Variants in PLD5 observed in about 807,000 individuals in gnomAD.
The protein encoded by PLD5 is inactive phospholipase D5.
PLD5 carries 36 observed loss-of-function variants against 61.1 expected under a neutral mutation model. The observed-to-expected ratio is 0.59, with a 90% CI of 0.45 to 0.78. PLD5 has a LOEUF of 0.78. Among genes scored for constraint, PLD5 ranks in the 30% least tolerant of loss-of-function variants. The pLI is 0.00. For missense variants in PLD5, 515 were observed against 644.4 expected, an observed-to-expected ratio of 0.80 and a Z score of 2.17; for synonymous variants, 243 against 242.8, an observed-to-expected ratio of 1.00 and a Z score of -0.01.
chr1:242,234,280 G>C (rs1044289200), intron 4 of PLD5, among the ~76,000 whole-genome samples: 1 of 152,036 alleles, frequency 6.6e-6, no homozygotes, highest in Non-Finnish European at 1.5e-5. Flanking sequence ...CCAGCCAACC[G>C]TGCATTGAAT....
At chr1:242,170,585 A>G (rs971749007) in intron 5 of PLD5, among the ~76,000 whole-genome samples, 1 of 152,202 alleles carries the variant, frequency 6.6e-6, no homozygotes, top group Non-Finnish European at 1.5e-5. Flanking sequence ...AGGCTTCAGA[A>G]GGTGGGTAAT....
chr1:242,370,346 T>C (rs1661563490), intron 1 of PLD5, among the ~76,000 whole-genome samples: 1 of 152,196 alleles, frequency 6.6e-6, no homozygotes, highest in Admixed American at 6.5e-5. Flanking sequence ...ACTGCGCTTA[T>C]AATACTGACA....
chr1:242,097,462 T>C (rs1441757665), intron 9 of PLD5, among the ~76,000 whole-genome samples: 1 of 152,228 alleles, frequency 6.6e-6, no homozygotes, highest in Non-Finnish European at 1.5e-5. Flanking sequence ...TGAGATGGTA[T>C]CTCATTGTGG....
chr1:242,178,967 C>T (rs1271193677), intron 5 of PLD5, among the ~76,000 whole-genome samples: 2 of 152,310 alleles, frequency 1.3e-5, no homozygotes, highest in East Asian at 1.9e-4. Flanking sequence ...CCAGGGAACA[C>T]GTAGACGGTT....
chr1:242,318,333 G>T (rs1476690637), intron 2 of PLD5, among the ~76,000 whole-genome samples: 1 of 152,116 alleles, frequency 6.6e-6, no homozygotes, highest in East Asian at 1.9e-4. Flanking sequence ...TTCCTCCTGC[G>T]GGAGGGGAGG....
intron 9 of PLD5, among the ~76,000 whole-genome samples, chr1:242,099,901 G>C (rs1320142728): frequency 6.6e-6 from 1 of 152,146 alleles, no homozygotes; most frequent in Non-Finnish European, 1.5e-5. Flanking sequence ...CCTTCTGATA[G>C]ATCGTTTTAA....
At chr1:242,131,072 G>A (rs546395780) in intron 5 of PLD5, among the ~76,000 whole-genome samples, 2 of 152,202 alleles carry the variant, frequency 1.3e-5, no homozygotes, top group East Asian at 1.9e-4. Flanking sequence ...TTGGGAGGCC[G>A]AGGTGGGCGG....
intron 1 of PLD5, among the ~76,000 whole-genome samples, chr1:242,502,340 C>T (rs1404646778): frequency 6.6e-6 from 1 of 152,164 alleles, no homozygotes. Flanking sequence ...TTGATCACTT[C>T]CCATATCTAA....
In PLD5 at chr1:242,210,158, G is replaced by T. The variant is rs375511703; in HGVS notation, c.735+9830C>A. Among the ~76,000 whole-genome samples, 10 of 152,308 alleles carry T rather than the reference G, an allele frequency of 6.6e-5. 1 individual carries two copies. The highest frequency in any genetic ancestry group is 2.2e-4 in the African/African-American group (9 of 41,564). Reference sequence around the variant, plus strand: ...CCTCAGTGAGAAAGGCATGTAGAAAGCCAAGATAAGCCAAACAGTTTGCCA... The same window carrying T: ...CCTCAGTGAGAAAGGCATGTAGAAATCCAAGATAAGCCAAACAGTTTGCCA... On this transcript the variant is annotated intron_variant, in intron 5 of 9. Coordinates refer to ENST00000536534, the MANE Select transcript of PLD5 (RefSeq NM_001372062.1).
In PLD5 at chr1:242,524,075, G is replaced by T. The variant is rs1669365430; in HGVS notation, c.189+13C>A. ...GTGCCTGGCCGAGGCCCCCGGGAGC[G>T]AGTCGCCCTTACGTGCTCCAGCTTG... is the stretch of plus-strand genomic sequence containing the variant. On this transcript the variant is annotated intron_variant, in intron 1 of 9. Coordinates refer to ENST00000536534, the MANE Select transcript of PLD5 (RefSeq NM_001372062.1). The T allele has an allele frequency of 1.3e-6, 2 of 1,531,072 alleles. No homozygotes were observed. The highest frequency in any genetic ancestry group is 1.7e-6 in the Non-Finnish European group (2 of 1,144,460). The allele number at this position is 1,531,072 out of a possible 1,614,324, so 94.8% of individuals were successfully genotyped here.
chr1:242,221,548 A>G (rs968273462), intron 4 of PLD5, among the ~76,000 whole-genome samples: 13 of 152,196 alleles, frequency 8.5e-5, no homozygotes, highest in African/African-American at 3.1e-4. Context: ...TGGCAGGAGG[A>G]TGAAAAGAGA....
intron 5 of PLD5, among the ~76,000 whole-genome samples, chr1:242,134,013 G>A (rs886472124): frequency 1.3e-5 from 2 of 152,194 alleles, no homozygotes; most frequent in Non-Finnish European, 1.5e-5. Context: ...TTAATGAGCA[G>A]TGAGGAAGTT....
intron 1 of PLD5, among the ~76,000 whole-genome samples, chr1:242,446,140 T>C (rs1441337875): frequency 6.6e-6 from 1 of 152,014 alleles, no homozygotes; most frequent in Non-Finnish European, 1.5e-5. Context: ...GAGTGTAACA[T>C]AGAAATTTAA....
chr1:242,441,237 C>A (rs1666259428), intron 1 of PLD5, among the ~76,000 whole-genome samples: 1 of 151,932 alleles, frequency 6.6e-6, no homozygotes, highest in African/African-American at 2.4e-5. Flanking sequence ...TGCTATGAAG[C>A]AAAATGCAGG....
chr1:242,486,744 A>G (rs998813249), intron 1 of PLD5, among the ~76,000 whole-genome samples: 8 of 152,216 alleles, frequency 5.3e-5, no homozygotes, highest in Admixed American at 1.3e-4. Context: ...TCATGCTGCT[A>G]TAAAGACACA....
At chr1:242,229,302 C>T (rs758680706) in intron 4 of PLD5, among the ~76,000 whole-genome samples, 3 of 152,194 alleles carry the variant, frequency 2.0e-5, no homozygotes, top group Non-Finnish European at 4.4e-5. Context: ...TCCAGTAAGC[C>T]TCGTTTTAAA....
chr1:242,199,358 G>T (rs906545413), intron 5 of PLD5, among the ~76,000 whole-genome samples: 1 of 152,002 alleles, frequency 6.6e-6, no homozygotes, highest in African/African-American at 2.4e-5. Flanking sequence ...AGGTTCAAGT[G>T]ATTCTTCTGC....
At chr1:242,239,369 A>C (rs1671847101) in intron 4 of PLD5, among the ~76,000 whole-genome samples, 1 of 152,122 alleles carries the variant, frequency 6.6e-6, no homozygotes, top group Non-Finnish European at 1.5e-5. Flanking sequence ...ATTGACTTGT[A>C]CTTGGTTCAC....
chr1:242,466,577 C>A (rs555746433), intron 1 of PLD5, among the ~76,000 whole-genome samples: 8 of 152,122 alleles, frequency 5.3e-5, no homozygotes, highest in Non-Finnish European at 2.9e-5. Context: ...AAAAGACAAA[C>A]GCTGCATGCT....
Sources: allele counts gnomAD v4.1 joint callset (sites outside exome capture counted in the v4.1 genomes callset), GRCh38; gene constraint gnomAD v4.1.1; transcripts MANE v1.5; gene names NCBI Gene and HGNC (gene_info 2026-07-23, HGNC 2026-07-21).